The following CHGA variants were observed in gnomAD, a reference collection of about 807,000 sequenced individuals.
CHGA encodes the protein chromogranin-A.
Under a neutral mutation model 54.4 loss-of-function variants are expected in CHGA, and 41 were observed. That is an observed-to-expected ratio of 0.75 (90% confidence interval 0.59 to 0.98). CHGA has a LOEUF of 0.98. Ranked by LOEUF, CHGA falls within the 50% of genes least tolerant of loss-of-function variation. The pLI is 0.00. For missense variants in CHGA, 576 were observed against 582.3 expected, an observed-to-expected ratio of 0.99 and a Z score of 0.11; for synonymous variants, 249 against 232.8, an observed-to-expected ratio of 1.07 and a Z score of -0.63.
chr14:92,927,386 AG>A, intron 3 of CHGA, among the ~76,000 whole-genome samples, 163 bp from the exon 4 acceptor site: 1 of 152,332 alleles, frequency 6.6e-6, no homozygotes, highest in South Asian at 2.1e-4. Context: ...TACCTTGGAA[AG>A]GAGGTAATTT....
In CHGA at chr14:92,931,557, A is replaced by G. The variant is rs1294363969; in HGVS notation, c.663A>G (p.Pro221=). The change falls in exon 6 of 8, where the codon CCA becomes CCG. Residue 221 remains proline (P), a synonymous_variant. Coordinates refer to ENST00000216492, the MANE Select transcript of CHGA (RefSeq NM_001275.4). The part of the protein sequence containing the change: ...VDREKGLSAE[P]GWQAKREEEE... ...GAGAGAAGGGCCTGAGTGCAGAGCCAGGGTGGCAGGCAAAGAGAGAAGAGG... is the reference window on the plus strand; with the variant it reads ...GAGAGAAGGGCCTGAGTGCAGAGCCGGGGTGGCAGGCAAAGAGAGAAGAGG... The G allele has an allele frequency of 6.2e-7, 1 of 1,612,784 alleles. No individual in the cohort carries two copies. Among genetic ancestry groups the G allele is most frequent in the African/African-American group, 1.3e-5 (1 of 74,816 alleles).
rs548784510 is a variant in CHGA at position 92,935,187 on chromosome 14, A to G, written c.*303A>G. Reference sequence around the variant, plus strand: ...CATCCTATCCACTGGGCACAACTGCAATAACTTCTGACCTTTTGGTGAAAG... The same window carrying G: ...CATCCTATCCACTGGGCACAACTGCGATAACTTCTGACCTTTTGGTGAAAG... On this transcript the variant is annotated 3_prime_UTR_variant, in exon 8 of 8. Transcript: ENST00000216492. The G allele has an allele frequency of 2.3e-5, 9 of 396,294 alleles. No homozygotes were observed. Among genetic ancestry groups the G allele is most frequent in the East Asian group, 2.3e-4 (5 of 22,134 alleles). 24.5% of individuals were successfully genotyped at this position (396,294 alleles called of 1,614,324 possible). A position where few individuals can be genotyped will look rare whatever the true frequency, so the allele number is the denominator to read the frequency against.
intron 3 of CHGA, 63 bp from the exon 4 acceptor site, chr14:92,927,487 G>C: frequency 1.5e-6 from 2 of 1,332,522 alleles, no homozygotes; most frequent in Non-Finnish European, 2.1e-6. Context: ...TGAAAATATT[G>C]ATGGTAATCT....
At chr14:92,922,700 G>A (rs1460156694), upstream of CHGA, among the ~76,000 whole-genome samples, 1 of 152,236 alleles carries the variant, frequency 6.6e-6, no homozygotes, top group Non-Finnish European at 1.5e-5. Context: ...CCCCTCTAGA[G>A]CCTCCTAGAT....
intron 7 of CHGA, among the ~76,000 whole-genome samples, chr14:92,933,810 G>A (rs76166921): frequency 0.011 from 1,699 of 152,298 alleles, 47 homozygotes; most frequent in African/African-American, 0.039. Context: ...CAAAGCTGGA[G>A]AGAATGGGGG....
chr14:92,929,364 C>T (rs1297398028), intron 4 of CHGA, among the ~76,000 whole-genome samples: 1 of 143,500 alleles, frequency 7.0e-6, no homozygotes, highest in Non-Finnish European at 1.5e-5. Context: ...TTCCCCACCC[C>T]CAACTCCTGC....
rs1228342689 is a variant in CHGA, at chr14:92,932,773, G to A, written c.1212G>A (p.Glu404=). ...CATCCTCCCGGGAGGACAGCCTTGA[G>A]GCGGGCCTGCCCCTCCAGGTCCGAG... ...WRPSSREDSL[E]AGLPLQVRGY... The change falls in exon 7 of 8, where the codon GAG becomes GAA. Residue 404 remains glutamate (E), a synonymous_variant. Transcript: ENST00000216492. This position sits in a 1 kb window ranked among gnomAD's most constrained non-coding sequence, Gnocchi z 5.3. The A allele has an allele frequency of 1.9e-6, 3 of 1,594,916 alleles. No homozygotes were observed. Among genetic ancestry groups the A allele is most frequent in the East Asian group, 2.3e-5 (1 of 44,366 alleles).
At chr14:92,923,855 C>CA (rs1051594312) in intron 1 of CHGA, among the ~76,000 whole-genome samples, 8 of 142,766 alleles carry the variant, frequency 5.6e-5, no homozygotes, top group Non-Finnish European at 1.0e-4. Context: ...CTTCCCCCGC[C>CA]CCCCCCACCT....
rs538758459 is a variant in CHGA, at chr14:92,933,163, T to C, written c.1290+312T>C. Reference sequence around the variant, plus strand: ...AAACCATGCGGTGGGTCTGACCGTGTCCCCTCCTGGCCCCCAGGCAGCCCA... The same window carrying C: ...AAACCATGCGGTGGGTCTGACCGTGCCCCCTCCTGGCCCCCAGGCAGCCCA... On this transcript the variant is annotated intron_variant, in intron 7 of 7. Coordinates refer to ENST00000216492, the MANE Select transcript of CHGA (RefSeq NM_001275.4). 6 of 253,302 alleles carry C rather than the reference T, an allele frequency of 2.4e-5. No individual in the cohort carries two copies. In the South Asian group the frequency reaches 6.3e-4, roughly 27 times the overall value. The allele number at this position is 253,302 out of a possible 1,614,324, so 15.7% of individuals were successfully genotyped here.
At chr14:92,933,941 C>A (rs534774304) in intron 7 of CHGA, among the ~76,000 whole-genome samples, 3 of 152,280 alleles carry the variant, frequency 2.0e-5, no homozygotes, top group African/African-American at 7.2e-5. Context: ...CAACACAGCC[C>A]AAGGGTCTTC....
Position 92,932,333 on chromosome 14 carries a change from C to T in CHGA, c.809-37C>T. ...AGAGACTGGGAAAATGGTGGTCCCC[C>T]ACCCATTCTCCTGCTCTTGCCCACC... On this transcript the variant is annotated intron_variant, in intron 6 of 7. Coordinates refer to ENST00000216492, the MANE Select transcript of CHGA (RefSeq NM_001275.4). This position sits in a 1 kb window ranked among gnomAD's most constrained non-coding sequence, Gnocchi z 5.3. 1.3e-6 allele frequency: 2 copies of T among 1,534,440 alleles called. No homozygotes were observed. The highest frequency in any genetic ancestry group is 8.8e-7 in the Non-Finnish European group (1 of 1,138,534).
In CHGA at chr14:92,934,839, G is replaced by A. The variant is rs145505017; in HGVS notation, c.1329G>A (p.Glu443=). The A allele has an allele frequency of 1.9e-6, 3 of 1,586,756 alleles. No homozygotes were observed. The African/African-American group carries it at 4.0e-5, about 21-fold the overall frequency. Residue 443 remains glutamate, a synonymous_variant, in exon 8 of 8, where the codon GAG becomes GAA. Coordinates refer to ENST00000216492, the MANE Select transcript of CHGA (RefSeq NM_001275.4). ...ELESLSAIEA[E]LEKVAHQLQA... is the part of the protein sequence containing the mutation. ...AGAGCCTGTCGGCCATTGAAGCAGA[G>A]CTGGAGAAAGTGGCCCACCAGCTGC...
upstream of CHGA, among the ~76,000 whole-genome samples, chr14:92,922,693 C>T (rs1183925834): frequency 6.6e-6 from 1 of 152,222 alleles, no homozygotes; most frequent in Admixed American, 6.5e-5. Context: ...TCAAAGGCCC[C>T]TCTAGAGCCT....
intron 4 of CHGA, among the ~76,000 whole-genome samples, chr14:92,928,026 C>T (rs557845134): frequency 5.8e-4 from 88 of 152,360 alleles, no homozygotes; most frequent in Non-Finnish European, 1.0e-3. Flanking sequence ...ATGCCCAGCC[C>T]CCCAGCTCCT....
intron 4 of CHGA, among the ~76,000 whole-genome samples, chr14:92,929,222 G>A (rs1013203185): frequency 1.2e-4 from 19 of 152,220 alleles, no homozygotes; most frequent in African/African-American, 2.7e-4. Context: ...TGGACTCAGC[G>A]TCCAAGGTTA....
At chr14:92,930,733 G>A (rs1262750448) in intron 5 of CHGA, among the ~76,000 whole-genome samples, 1 of 152,210 alleles carries the variant, frequency 6.6e-6, no homozygotes, top group Non-Finnish European at 1.5e-5. Context: ...TTTGTTCAGT[G>A]GTTATCATTC....
At position 92,926,493 on chromosome 14, in the gene CHGA, C is replaced by T; in HGVS notation, c.94-112C>T. On this transcript the variant is annotated intron_variant, in intron 2 of 7. Transcript: ENST00000216492. ...CCCTGAGCCAGGGATCATGGACTCC[C>T]AAAGACAAAAGCAAATACCCTCTGT... The T allele has an allele frequency of 4.7e-6, 4 of 846,448 alleles. No individual in the cohort carries two copies. In the East Asian group the frequency reaches 1.0e-4, roughly 22 times the overall value. 52.4% of individuals were successfully genotyped at this position (846,448 alleles called of 1,614,324 possible).
At chr14:92,924,350 G>A (rs1886846699) in intron 2 of CHGA, 105 bp downstream of exon 2, 5 of 1,111,570 alleles carry the variant, frequency 4.5e-6, no homozygotes, top group Non-Finnish European at 5.1e-6. Context: ...CCAAGAGCCA[G>A]CACTGCGGCT....
chr14:92,926,625 G>A lies in CHGA; in HGVS notation c.114G>A (p.Glu38=), dbSNP rs781008741. The change falls in exon 3 of 8, where the codon GAG becomes GAA. Residue 38 remains glutamate (E), a synonymous_variant. Transcript: ENST00000216492. ...GDTEVMKCIV[E]VISDTLSKPS... ...CCCAGGTGATGAAATGCATCGTTGAGGTCATCTCCGACACACTTTCCAAGC... is the reference window on the plus strand; with the variant it reads ...CCCAGGTGATGAAATGCATCGTTGAAGTCATCTCCGACACACTTTCCAAGC... The A allele has an allele frequency of 1.2e-6, 2 of 1,613,968 alleles. No homozygotes were observed. Among genetic ancestry groups the A allele is most frequent in the Non-Finnish European group, 1.7e-6 (2 of 1,180,022 alleles).
Sources: gnomAD v4.1 joint callset for allele counts (sites outside exome capture counted in the v4.1 genomes callset) on GRCh38, gnomAD v4.1.1 for gene constraint, Gnocchi (gnomAD v3.1) non-coding constraint, MANE v1.5 for transcripts, NCBI Gene and HGNC (gene_info 2026-07-23, HGNC 2026-07-21) for gene names.